PDCD5: variants seen among roughly 807,000 people sequenced by gnomAD.
PDCD5 encodes programmed cell death protein 5.
In PDCD5, 23 loss-of-function variants were observed where a neutral mutation model predicts 21.9. That is an observed-to-expected ratio of 1.05 (90% confidence interval 0.76 to 1.49). The LOEUF (loss-of-function observed/expected upper bound fraction) is 1.49, where lower values mean the gene tolerates loss of function less well. Among genes scored for constraint, PDCD5 ranks in the 40% most tolerant of loss-of-function variants. The probability of loss-of-function intolerance (pLI) is 0.00; values close to 1 mark genes in which losing one functional copy is unlikely to be tolerated. For missense variants in PDCD5, 152 were observed against 147.7 expected, an observed-to-expected ratio of 1.03 and a Z score of -0.15; for synonymous variants, 45 against 49.4, an observed-to-expected ratio of 0.91 and a Z score of 0.37.
intron 3 of PDCD5, among the ~76,000 whole-genome samples, chr19:32,585,274 A>C (rs1418482015): frequency 1.3e-5 from 2 of 152,158 alleles, no homozygotes; most frequent in Non-Finnish European, 2.9e-5. Flanking sequence ...CAATCACAAA[A>C]TGTTGCTGGT....
chr19:32,587,123 C>T, intron 5 of PDCD5, 130 bp from the exon 6 acceptor site: 1 of 820,652 alleles, frequency 1.2e-6, no homozygotes, highest in South Asian at 1.7e-5. Context: ...TCCATTCCCA[C>T]CCTTTTAGTT....
intron 5 of PDCD5, 90 bp downstream of exon 5, chr19:32,587,019 C>A: frequency 1.7e-6 from 2 of 1,161,948 alleles, no homozygotes; most frequent in Admixed American, 2.2e-5. Flanking sequence ...TATTTTTCAG[C>A]CCAGAGACAT....
chr19:32,586,040 T>C, intron 4 of PDCD5, 133 bp downstream of exon 4: 1 of 1,584,260 alleles, frequency 6.3e-7, no homozygotes, highest in Non-Finnish European at 8.6e-7. Flanking sequence ...GAGAGAATAG[T>C]CATACCTACT....
At chr19:32,581,705 T>C (rs1971427944) in intron 1 of PDCD5, 1 of 210,720 alleles carries the variant, frequency 4.7e-6, no homozygotes, top group Non-Finnish European at 9.2e-6. Context: ...CGACAGGTAT[T>C]GAGGGTCCGC....
Position 32,587,268 on chromosome 19 carries a change from G to A in PDCD5, c.346G>A (p.Val116Ile). 5.6e-6 allele frequency: 9 copies of A among 1,606,516 alleles called. No homozygotes were observed. Among genetic ancestry groups the A allele is most frequent in the Non-Finnish European group, 7.7e-6 (9 of 1,174,306 alleles). ...TTTVKFNRRK[V>I]MDSDEDDDY ...TTCCTCCCAGTTCAACAGAAGAAAA[G>A]TAATGGACTCTGATGAAGATGACGA... Residue 116 changes from valine (V) to isoleucine (I), a missense_variant, in exon 6 of 6, where the codon GTA becomes ATA. Physicochemically the swap from Val to Ile is conservative, Grantham distance 29. Coordinates refer to ENST00000590247, the MANE Select transcript of PDCD5 (RefSeq NM_004708.4).
chr19:32,583,701 C>T (rs1971451034), intron 2 of PDCD5, among the ~76,000 whole-genome samples: 1 of 151,834 alleles, frequency 6.6e-6, no homozygotes, highest in Non-Finnish European at 1.5e-5. Flanking sequence ...GTGACTGAAG[C>T]CTGTAGACCC....
At chr19:32,581,608 G>C (rs1425741459) in intron 1 of PDCD5, 1 of 325,906 alleles carries the variant, frequency 3.1e-6, no homozygotes, top group Non-Finnish European at 5.5e-6. Flanking sequence ...GGCGGGCCTG[G>C]ATCCAAGCAC....
intron 5 of PDCD5, 45 bp from the exon 6 acceptor site, chr19:32,587,208 T>C (rs756301419): frequency 1.4e-5 from 19 of 1,391,088 alleles, no homozygotes; most frequent in Non-Finnish European, 1.8e-5. Flanking sequence ...ATCTGAGTTA[T>C]GCTTTATTAG....
chr19:32,581,710 G>T lies in PDCD5; in HGVS notation c.66+383G>T, dbSNP rs548134225. ...CAAGTTTAGCCGACAGGTATTGAGG[G>T]TCCGCTGTGTTCCCGGTGCTGAGAG... On this transcript the variant is annotated intron_variant, in intron 1 of 5. Transcript: ENST00000590247. 6 of 211,912 alleles carry T rather than the reference G, an allele frequency of 2.8e-5. No individual in the cohort carries two copies. In the South Asian group the frequency reaches 3.9e-4, roughly 14 times the overall value. The allele number at this position is 211,912 out of a possible 1,614,324, so 13.1% of individuals were successfully genotyped here.
chr19:32,584,856 T>TG, intron 2 of PDCD5, 94 bp from the exon 3 acceptor site: 1 of 932,632 alleles, frequency 1.1e-6, no homozygotes, highest in Non-Finnish European at 1.8e-6. Context: ...AGGCCCCATG[T>TG]GGAGACACAT....
Position 32,585,002 on chromosome 19 carries a change from C to T in PDCD5, c.157C>T (p.Arg53Trp), listed in dbSNP as rs147553739. ...ILAQVLDQSARARLSNLALVK... is the reference protein window; with the variant it reads ...ILAQVLDQSAWARLSNLALVK... ...AGCCCAAGTTCTGGATCAGTCGGCC[C>T]GGGCCAGGTGTAAGCATCTTTGATT... Residue 53 changes from arginine (R) to tryptophan (W), a missense_variant, in exon 3 of 6, where the codon CGG (arginine) becomes TGG (tryptophan). Physicochemically the swap from Arg to Trp is moderately radical, Grantham distance 101. Transcript: ENST00000590247. 1.6e-5 allele frequency: 26 copies of T among 1,613,316 alleles called. No homozygotes were observed. Among genetic ancestry groups the T allele is most frequent in the African/African-American group, 1.2e-4 (9 of 74,988 alleles).
chr19:32,585,911 A>G lies in PDCD5; in HGVS notation c.258+4A>G. On this transcript the variant is annotated splice_donor_region_variant and intron_variant, in intron 4 of 5. Coordinates refer to ENST00000590247, the MANE Select transcript of PDCD5 (RefSeq NM_004708.4). Reference sequence around the variant, plus strand: ...ATATGGACAACTAAGTGAGAAGGTAAGCTTAGACAGCCTTGAGGAACTTTA... The same window carrying G: ...ATATGGACAACTAAGTGAGAAGGTAGGCTTAGACAGCCTTGAGGAACTTTA... The G allele has an allele frequency of 6.2e-7, 1 of 1,613,148 alleles. No individual in the cohort carries two copies. The highest frequency in any genetic ancestry group is 2.2e-5 in the East Asian group (1 of 44,874).
At chr19:32,583,382 T>C (rs1381058322) in intron 2 of PDCD5, among the ~76,000 whole-genome samples, 2 of 152,098 alleles carry the variant, frequency 1.3e-5, no homozygotes, top group Non-Finnish European at 1.5e-5. Context: ...TGGGCTCAAG[T>C]GATCCTCCCA....
rs777143792 is a variant in PDCD5, at chr19:32,581,266, C to G, written c.5C>G (p.Ala2Gly). Residue 2 changes from alanine to glycine, a missense_variant, in exon 1 of 6, where the codon GCG (alanine) becomes GGG (glycine). By Grantham distance (60) the Ala-to-Gly change is moderately conservative. Coordinates refer to ENST00000590247, the MANE Select transcript of PDCD5 (RefSeq NM_004708.4). M[A>G]DEELEALRRQ... ...CTCCAGCGCTGACGCCGAGCCATGG[C>G]GGACGAGGAGCTTGAGGCGCTGAGG... The G allele has an allele frequency of 1.3e-6, 2 of 1,517,332 alleles. No individual in the cohort carries two copies. Among genetic ancestry groups the G allele is most frequent in the Admixed American group, 2.0e-5 (1 of 48,986 alleles). 94.0% of individuals were successfully genotyped at this position (1,517,332 alleles called of 1,614,324 possible). A position where few individuals can be genotyped will look rare whatever the true frequency, so the allele number is the denominator to read the frequency against.
chr19:32,586,179 T>C (rs1280815080), intron 4 of PDCD5: 6 of 1,451,006 alleles, frequency 4.1e-6, no homozygotes, highest in Non-Finnish European at 5.4e-6. Context: ...GCCCCTGCAC[T>C]GGAAGCAAGG....
intron 2 of PDCD5, 167 bp from the exon 3 acceptor site, chr19:32,584,781 GAT>G: frequency 3.2e-6 from 2 of 626,758 alleles, no homozygotes; most frequent in South Asian, 3.8e-5. Context: ...GGCAAAAGGG[GAT>G]TCTACTTGAA....
At position 32,587,390 on chromosome 19, in the gene PDCD5, C is replaced by A; in HGVS notation, c.*90C>A. 2.4e-6 allele frequency: 2 copies of A among 824,590 alleles called. No individual in the cohort carries two copies. The highest frequency in any genetic ancestry group is 1.9e-6 in the Non-Finnish European group (1 of 529,574). The allele number at this position is 824,590 out of a possible 1,614,324, so 51.1% of individuals were successfully genotyped here. On this transcript the variant is annotated 3_prime_UTR_variant, in exon 6 of 6. Coordinates refer to ENST00000590247, the MANE Select transcript of PDCD5 (RefSeq NM_004708.4). ...ATTTACTTTGTTTATTGTCTATATG[C>A]CTTTTAAAAAAATAAACTTGTTATG...
intron 1 of PDCD5, among the ~76,000 whole-genome samples, chr19:32,581,929 A>G (rs1012514647): frequency 1.3e-5 from 2 of 152,138 alleles, no homozygotes; most frequent in Non-Finnish European, 2.9e-5. Flanking sequence ...TTATTCCTAC[A>G]TGTGAAACAC....
chr19:32,584,624 A>T (rs1008061531), intron 2 of PDCD5, among the ~76,000 whole-genome samples: 1 of 152,202 alleles, frequency 6.6e-6, no homozygotes, highest in Non-Finnish European at 1.5e-5. Flanking sequence ...AAATCCCACT[A>T]TAAATTTCTA....
Sources: allele counts gnomAD v4.1 joint callset (sites outside exome capture counted in the v4.1 genomes callset), GRCh38; gene constraint gnomAD v4.1.1; transcripts MANE v1.5; gene names NCBI Gene and HGNC (gene_info 2026-07-23, HGNC 2026-07-21).